SAMD8: variants seen among roughly 807,000 people sequenced by gnomAD.
SAMD8 encodes sterile alpha motif domain containing 8.
A neutral mutation model predicts 42.0 loss-of-function variants in SAMD8; 20 were observed. The observed-to-expected ratio is 0.48, with a 90% CI of 0.34 to 0.69. The LOEUF is 0.69. Ranked by LOEUF, SAMD8 falls within the 30% of genes least tolerant of loss-of-function variation. The probability of loss-of-function intolerance (pLI) is 0.01; values close to 1 mark genes in which losing one functional copy is unlikely to be tolerated. For synonymous variants in SAMD8, 162 were observed against 173.0 expected, an observed-to-expected ratio of 0.94 and a Z score of 0.50; for missense variants, 328 against 511.6, an observed-to-expected ratio of 0.64 and a Z score of 3.46.
In SAMD8 at chr10:75,157,136, G is replaced by A. The variant is rs144818068; in HGVS notation, c.578+6030G>A. Among the ~76,000 whole-genome samples the A allele has an allele frequency of 2.8e-4, 43 of 152,176 alleles. 1 individual carries two copies. In the East Asian group the frequency reaches 7.9e-3, roughly 28 times the overall value. ...TGGCAAAATGTTAATTATTGTAAAT[G>A]ATGAGTTTAGGTGAATAATATAGTG... On this transcript the variant is annotated intron_variant, in intron 2 of 5. Transcript: ENST00000542569.
At chr10:75,174,970 A>G (rs1488316874) in intron 4 of SAMD8, among the ~76,000 whole-genome samples, 1 of 152,176 alleles carries the variant, frequency 6.6e-6, no homozygotes, top group Non-Finnish European at 1.5e-5. Context: ...TTACGAAGTC[A>G]TCCAAAAAAA....
At chr10:75,116,265 AT>A (rs1848879952) in intron 1 of SAMD8, among the ~76,000 whole-genome samples, 1 of 151,974 alleles carries the variant, frequency 6.6e-6, no homozygotes, top group Non-Finnish European at 1.5e-5. Context: ...CACCTGGCTA[AT>A]TTTTTTAAAT....
At chr10:75,152,835 C>T (rs1408710378) in intron 2 of SAMD8, among the ~76,000 whole-genome samples, 2 of 152,198 alleles carry the variant, frequency 1.3e-5, no homozygotes, top group African/African-American at 2.4e-5. Context: ...CACTGCACTC[C>T]AGCCTGGGCA....
At chr10:75,145,212 A>G (rs902989178) in intron 1 of SAMD8, among the ~76,000 whole-genome samples, 3 of 152,070 alleles carry the variant, frequency 2.0e-5, no homozygotes, top group Non-Finnish European at 2.9e-5. Flanking sequence ...CCCAAAGTGC[A>G]GGGATTACAG....
chr10:75,105,106 T>C lies in SAMD8; in HGVS notation c.-16+5378T>C, dbSNP rs564637608. 1.0e-3 allele frequency among the ~76,000 whole-genome samples: 157 copies of C among 152,004 alleles called. 2 individuals are homozygous for C. The East Asian group carries it at 0.023, about 22-fold the overall frequency. ...AGAGGTGGAGGCAGGCCCTGCTGGG[T>C]GGGGAGCCACCGTGGAGGCCTGGCC... On this transcript the variant is annotated intron_variant, in intron 1 of 3. Coordinates refer to the SAMD8 transcript ENST00000447533.
intron 1 of SAMD8, among the ~76,000 whole-genome samples, chr10:75,114,332 CAA>C (rs34696129): frequency 2.2e-5 from 3 of 134,618 alleles, no homozygotes; most frequent in African/African-American, 2.7e-5. Flanking sequence ...TGATATGTCT[CAA>C]AAAAAAAAAA....
intron 1 of SAMD8, among the ~76,000 whole-genome samples, chr10:75,118,511 G>T (rs1226177009): frequency 6.6e-6 from 1 of 152,162 alleles, no homozygotes; most frequent in East Asian, 1.9e-4. Context: ...AGGTGTGGTG[G>T]TGTGCCCCTA....
intron 1 of SAMD8, among the ~76,000 whole-genome samples, chr10:75,143,992 G>A (rs545713477): frequency 1.3e-5 from 2 of 148,482 alleles, no homozygotes; most frequent in African/African-American, 5.0e-5. Context: ...TTTGGAGTTG[G>A]AGTCTTGCTC....
chr10:75,147,596 G>T (rs1437123888), intron 1 of SAMD8, among the ~76,000 whole-genome samples: 6 of 152,150 alleles, frequency 3.9e-5, no homozygotes, highest in Non-Finnish European at 8.8e-5. Context: ...AAAGTGCTGG[G>T]ATAGGCGTGA....
intron 1 of SAMD8, among the ~76,000 whole-genome samples, chr10:75,142,499 C>T (rs955805060): frequency 2.6e-5 from 4 of 152,086 alleles, no homozygotes; most frequent in African/African-American, 4.8e-5. Flanking sequence ...TGCAGTGGCA[C>T]GATCTTGGCT....
chr10:75,110,192 T>C (rs1848731384), upstream of SAMD8, among the ~76,000 whole-genome samples: 1 of 152,144 alleles, frequency 6.6e-6, no homozygotes, highest in African/African-American at 2.4e-5. Flanking sequence ...AAGAGGGCCT[T>C]GTATGTCAAA....
intron 1 of SAMD8, among the ~76,000 whole-genome samples, chr10:75,120,397 G>A (rs1339439660): frequency 1.3e-5 from 2 of 151,678 alleles, no homozygotes; most frequent in Non-Finnish European, 2.9e-5. Context: ...TCAGCCTCCC[G>A]TAGCTGGGAT....
intron 2 of SAMD8, among the ~76,000 whole-genome samples, chr10:75,157,510 A>T (rs899504288): frequency 6.6e-6 from 1 of 152,172 alleles, no homozygotes; most frequent in Non-Finnish European, 1.5e-5. Context: ...GCCATATGTG[A>T]TGGTGGAGCA....
chr10:75,170,887 C>T (rs572739671), intron 4 of SAMD8, among the ~76,000 whole-genome samples: 1 of 150,438 alleles, frequency 6.6e-6, no homozygotes, highest in East Asian at 2.0e-4. Context: ...CATTCTCCTG[C>T]CTCAGCCTCC....
At chr10:75,122,046 A>G (rs1229458690) in intron 1 of SAMD8, among the ~76,000 whole-genome samples, 6 of 152,204 alleles carry the variant, frequency 3.9e-5, no homozygotes, top group Non-Finnish European at 7.3e-5. Flanking sequence ...TCAAACAGTG[A>G]AAAATAATAC....
intron 1 of SAMD8, among the ~76,000 whole-genome samples, chr10:75,102,231 C>T (rs1848210662): frequency 6.6e-6 from 1 of 152,142 alleles, no homozygotes; most frequent in Admixed American, 6.5e-5. Context: ...AATCCCAGCA[C>T]TTTGGGAAAC....
intron 1 of SAMD8, among the ~76,000 whole-genome samples, chr10:75,112,657 G>A (rs1487352927): frequency 1.3e-5 from 2 of 152,054 alleles, no homozygotes; most frequent in African/African-American, 2.4e-5. Flanking sequence ...TAATTTTTTC[G>A]TAGCTAAGTT....
intron 2 of SAMD8, among the ~76,000 whole-genome samples, chr10:75,159,551 A>G (rs1840509321): frequency 6.6e-6 from 1 of 151,982 alleles, no homozygotes; most frequent in African/African-American, 2.4e-5. Context: ...GCACATGGAT[A>G]CTCCCAACAT....
In SAMD8 at chr10:75,143,034, C is replaced by T. The variant is rs776222466; in HGVS notation, c.-15-7480C>T. Among the ~76,000 whole-genome samples, 83 of 152,028 alleles carry T rather than the reference C, an allele frequency of 5.5e-4. 1 individual carries two copies. The highest frequency in any genetic ancestry group is 1.1e-3 in the Non-Finnish European group (77 of 68,000). On this transcript the variant is annotated intron_variant, in intron 1 of 5. Transcript: ENST00000542569. ...GTTAAAAGCTGGTACTGCGGCTGGG[C>T]GCGGTGGCTCACGCCTGTAATCCCA...
Sources: gnomAD v4.1 joint callset for allele counts (sites outside exome capture counted in the v4.1 genomes callset) on GRCh38, gnomAD v4.1.1 for gene constraint, MANE v1.5 for transcripts, NCBI Gene and HGNC (gene_info 2026-07-23, HGNC 2026-07-21) for gene names.